The following SLCO3A1 variants were observed in gnomAD, a reference collection of about 807,000 sequenced individuals.
The protein encoded by SLCO3A1 is solute carrier organic anion transporter family member 3A1.
SLCO3A1 carries 27 observed loss-of-function variants against 63.1 expected under a neutral mutation model. The ratio of observed to expected loss-of-function variants is 0.43; its 90% CI spans 0.32 to 0.59. The LOEUF is 0.59. Ranked by LOEUF, SLCO3A1 falls within the 20% of genes least tolerant of loss-of-function variation. SLCO3A1 has a pLI of 0.09. For synonymous variants in SLCO3A1, 473 were observed against 409.9 expected (o/e 1.15, Z -1.86); for missense variants, 773 against 945.8 (o/e 0.82, Z 2.40).
chr15:91,975,862 A>T (rs1273894513), intron 2 of SLCO3A1, among the ~76,000 whole-genome samples: 2 of 152,198 alleles, frequency 1.3e-5, no homozygotes, highest in African/African-American at 4.8e-5. Context: ...GAGTGAGGAA[A>T]GAACCCTGGC....
intron 4 of SLCO3A1, among the ~76,000 whole-genome samples, chr15:92,119,424 T>C (rs2047834435): frequency 6.6e-6 from 1 of 152,188 alleles, no homozygotes; most frequent in East Asian, 1.9e-4. Context: ...CAGAGCACTT[T>C]TGCCCATCAC....
chr15:92,165,542 G>A lies in SLCO3A1; in HGVS notation c.*2407G>A, dbSNP rs1293378706. Reference sequence around the variant, plus strand: ...AAGTTTTTTAAACTCTTTGCATTTTGGATTTTTTTTCCTAAGATTTTAGGA... The same window carrying A: ...AAGTTTTTTAAACTCTTTGCATTTTAGATTTTTTTTCCTAAGATTTTAGGA... On this transcript the variant is annotated 3_prime_UTR_variant, in exon 10 of 10. Transcript: ENST00000318445. 1 of 984,020 alleles carries A rather than the reference G, an allele frequency of 1.0e-6. No individual in the cohort carries two copies. The highest frequency in any genetic ancestry group is 1.2e-6 in the Non-Finnish European group (1 of 828,964). 61.0% of individuals were successfully genotyped at this position (984,020 alleles called of 1,614,324 possible).
chr15:91,854,579 G>T lies in SLCO3A1; in HGVS notation c.180+491G>T, dbSNP rs1896864711. On this transcript the variant is annotated intron_variant, in intron 1 of 9. Transcript: ENST00000318445. The surrounding 1 kb of genome is among the most constrained non-coding windows in gnomAD (Gnocchi z 6.4). ...TTTTCTCCGGGCGCTTTCTACATCC[G>T]CCAATTACAGGGGGATATAACAGCT... 6.6e-6 allele frequency among the ~76,000 whole-genome samples: 1 copy of T among 152,070 alleles called. No homozygotes were observed.
In SLCO3A1 at chr15:92,126,250, A is replaced by G. The variant is rs2047921473; in HGVS notation, c.1364A>G (p.Tyr455Cys). The change falls in exon 6 of 10, where the codon TAT (tyrosine) becomes TGT (cysteine). Residue 455 changes from tyrosine to cysteine, a missense_variant. Tyr to Cys is a radical substitution (Grantham distance 194). This residue lies in a region of SLCO3A1 where 565 missense variants were observed against 749.8 expected (regional missense o/e 0.75). Coordinates refer to ENST00000318445, the MANE Select transcript of SLCO3A1 (RefSeq NM_013272.4). Reference protein sequence around the residue: ...TGPVAGVTVPYGNSTAPGSAL... With the variant: ...TGPVAGVTVPCGNSTAPGSAL... ...CCTGTGGCTGGGGTTACTGTTCCCTATGGAAACAGGTGAGTACTGGCAGTG... is the reference window on the plus strand; with the variant it reads ...CCTGTGGCTGGGGTTACTGTTCCCTGTGGAAACAGGTGAGTACTGGCAGTG... 6.2e-7 allele frequency: 1 copy of G among 1,613,694 alleles called. No homozygotes were observed. Among genetic ancestry groups the G allele is most frequent in the Non-Finnish European group, 8.5e-7 (1 of 1,179,770 alleles).
At chr15:91,914,567 C>CTTTT (rs556314311) in intron 1 of SLCO3A1, among the ~76,000 whole-genome samples, 4 of 122,272 alleles carry the variant, frequency 3.3e-5, no homozygotes, top group African/African-American at 6.2e-5. Context: ...TATTTTCTTC[C>CTTTT]TTTTTTTTTT....
At chr15:91,981,458 C>T (rs1288684147) in intron 2 of SLCO3A1, among the ~76,000 whole-genome samples, 1 of 152,118 alleles carries the variant, frequency 6.6e-6, no homozygotes, top group Non-Finnish European at 1.5e-5. Context: ...GCTTGACATT[C>T]CCCCAAAATG....
At chr15:91,994,996 C>T (rs1257235271) in intron 2 of SLCO3A1, among the ~76,000 whole-genome samples, 1 of 152,022 alleles carries the variant, frequency 6.6e-6, no homozygotes, top group Non-Finnish European at 1.5e-5. Flanking sequence ...AGGAAAAATC[C>T]TTTACATGAG....
Position 91,968,731 on chromosome 15 carries a change from C to T in SLCO3A1, c.646+52273C>T, listed in dbSNP as rs980110424. ...GCCTTCGCACGTGTGCTCACACAGC[C>T]GCAGTATTTACGGCACTCACGACGT... On this transcript the variant is annotated intron_variant, in intron 2 of 9. Transcript: ENST00000318445. This position sits in a 1 kb window ranked among gnomAD's most constrained non-coding sequence, Gnocchi z 4.2. Among the ~76,000 whole-genome samples, 1 of 152,194 alleles carries T rather than the reference C, an allele frequency of 6.6e-6. No individual in the cohort carries two copies. The highest frequency in any genetic ancestry group is 1.5e-5 in the Non-Finnish European group (1 of 68,038).
intron 5 of SLCO3A1, among the ~76,000 whole-genome samples, chr15:92,120,887 A>G (rs2047855351): frequency 6.6e-6 from 1 of 152,242 alleles, no homozygotes; most frequent in African/African-American, 2.4e-5. Context: ...GTAAGTCGAT[A>G]GATGGGTGTG....
Position 92,165,751 on chromosome 15 carries a change from CT to C in SLCO3A1, c.*2620del. 3.0e-6 allele frequency: 3 copies of C among 984,026 alleles called. No homozygotes were observed. The highest frequency in any genetic ancestry group is 3.6e-6 in the Non-Finnish European group (3 of 829,390). The allele number at this position is 984,026 out of a possible 1,614,324, so 61.0% of individuals were successfully genotyped here. The stretch of plus-strand genomic sequence containing the variant: ...AAAACTCAGTCTAGTTTTAATTTGC[CT>C]TTTGTGCTCTAAAGAAGCATTGTAC... On this transcript the variant is annotated 3_prime_UTR_variant, in exon 10 of 10. Transcript: ENST00000318445.
intron 9 of SLCO3A1, among the ~76,000 whole-genome samples, chr15:92,158,925 T>G (rs2048403890): frequency 6.6e-6 from 1 of 152,200 alleles, no homozygotes; most frequent in Non-Finnish European, 1.5e-5. Flanking sequence ...ATAAAAGGAA[T>G]CTCACAAAGG....
At chr15:92,151,941 G>C (rs141271685) in intron 9 of SLCO3A1, among the ~76,000 whole-genome samples, 1 of 152,296 alleles carries the variant, frequency 6.6e-6, no homozygotes, top group African/African-American at 2.4e-5. Flanking sequence ...CCCAACAGCA[G>C]ACAATTAGTT....
intron 1 of SLCO3A1, among the ~76,000 whole-genome samples, chr15:91,905,468 G>A (rs1349529191): frequency 2.0e-5 from 3 of 152,052 alleles, no homozygotes; most frequent in Non-Finnish European, 2.9e-5. Context: ...AGTATAAATG[G>A]TTCTTATACT....
intron 2 of SLCO3A1, among the ~76,000 whole-genome samples, chr15:92,015,466 C>A (rs2046415473): frequency 6.6e-6 from 1 of 152,116 alleles, no homozygotes; most frequent in African/African-American, 2.4e-5. Context: ...AGAACTCCCT[C>A]ACTATCACGA....
In SLCO3A1 at chr15:91,912,016, A is replaced by G. The variant is rs929029967; in HGVS notation, c.181-3977A>G. 1.3e-5 allele frequency among the ~76,000 whole-genome samples: 2 copies of G among 152,048 alleles called. No individual in the cohort carries two copies. The highest frequency in any genetic ancestry group is 4.8e-5 in the African/African-American group (2 of 41,378). On this transcript the variant is annotated intron_variant, in intron 1 of 9. Coordinates refer to ENST00000318445, the MANE Select transcript of SLCO3A1 (RefSeq NM_013272.4). This position sits in a 1 kb window ranked among gnomAD's most constrained non-coding sequence, Gnocchi z 5.0. ...AATAATCATTGTAGAAGCCTGATAC[A>G]TACTGCATACTTTACATAATAACTT...
chr15:92,167,813 G>A (rs898294816), downstream of SLCO3A1, among the ~76,000 whole-genome samples: 6 of 151,632 alleles, frequency 4.0e-5, no homozygotes, highest in Admixed American at 1.3e-4. Flanking sequence ...GACAACATGG[G>A]TTATCAAACC....
chr15:91,997,862 A>G (rs59948404), intron 2 of SLCO3A1, among the ~76,000 whole-genome samples: 24,895 of 152,224 alleles, frequency 0.16, 2,520 homozygotes, highest in East Asian at 0.32. Flanking sequence ...AATTAACTCA[A>G]GATGGATTAA....
chr15:91,874,362 T>C (rs913444727), intron 1 of SLCO3A1, among the ~76,000 whole-genome samples: 2 of 152,138 alleles, frequency 1.3e-5, no homozygotes, highest in African/African-American at 2.4e-5. Flanking sequence ...CATCTACCTC[T>C]GGAACTCTTC....
chr15:91,900,016 G>T lies in SLCO3A1; in HGVS notation c.181-15977G>T. Among the ~76,000 whole-genome samples, 2 of 152,268 alleles carry T rather than the reference G, an allele frequency of 1.3e-5. No individual in the cohort carries two copies. Among genetic ancestry groups the T allele is most frequent in the South Asian group, 4.1e-4 (2 of 4,830 alleles). ...ACTGTATTTATCAGATTGTGTTGGT[G>T]TTATATTTTTGGTTATATCACATTT... On this transcript the variant is annotated intron_variant, in intron 1 of 9. Coordinates refer to ENST00000318445, the MANE Select transcript of SLCO3A1 (RefSeq NM_013272.4). The surrounding 1 kb of genome is among the most constrained non-coding windows in gnomAD (Gnocchi z 4.3).
Sources: allele counts gnomAD v4.1 joint callset (sites outside exome capture counted in the v4.1 genomes callset), GRCh38; gene constraint gnomAD v4.1.1; regional missense constraint gnomAD v4.1.1; non-coding constraint Gnocchi (gnomAD v3.1); transcripts MANE v1.5; gene names NCBI Gene and HGNC (gene_info 2026-07-23, HGNC 2026-07-21).